DENND5A: variants seen among roughly 807,000 people sequenced by gnomAD.
DENND5A encodes DENN domain containing 5A.
Under a neutral mutation model 140.3 loss-of-function variants are expected in DENND5A, and 64 were observed. That is an observed-to-expected ratio of 0.46 (90% CI 0.37 to 0.56). DENND5A has a LOEUF of 0.56. Among genes scored for constraint, DENND5A ranks in the 20% least tolerant of loss-of-function variants. The pLI is 0.00. For synonymous variants in DENND5A, 605 were observed against 607.7 expected (o/e 1.00, Z 0.07); for missense variants, 1,292 against 1,593.8 (o/e 0.81, Z 3.22).
chr11:9,162,008 CT>C (rs957289029), intron 11 of DENND5A, among the ~76,000 whole-genome samples: 11 of 151,194 alleles, frequency 7.3e-5, no homozygotes, highest in African/African-American at 2.7e-4. Context: ...TCTGCCTGAA[CT>C]TTGAGTCCAA....
chr11:9,203,251 A>C (rs1269855870), intron 4 of DENND5A, among the ~76,000 whole-genome samples: 2 of 152,242 alleles, frequency 1.3e-5, no homozygotes, highest in Non-Finnish European at 2.9e-5. Flanking sequence ...CAACACATCC[A>C]CATTTTCTCA....
intron 1 of DENND5A, among the ~76,000 whole-genome samples, chr11:9,226,474 T>C (rs1000582909): frequency 3.9e-5 from 6 of 152,236 alleles, no homozygotes; most frequent in African/African-American, 1.4e-4. Flanking sequence ...AAAAAGTTTC[T>C]GGGGCTATTT....
intron 5 of DENND5A, among the ~76,000 whole-genome samples, chr11:9,185,522 G>C (rs1848880780): frequency 6.6e-6 from 1 of 152,096 alleles, no homozygotes; most frequent in South Asian, 2.1e-4. Context: ...TATTCTAAAA[G>C]AAAACACTGC....
intron 15 of DENND5A, among the ~76,000 whole-genome samples, chr11:9,148,136 G>C (rs1369266702): frequency 6.6e-6 from 1 of 152,168 alleles, no homozygotes; most frequent in East Asian, 1.9e-4. Context: ...CAAACAAAAG[G>C]CTGTTTCTGG....
In DENND5A at chr11:9,265,106, G is replaced by C. The variant is rs766926668; in HGVS notation, c.-37C>G. The C allele has an allele frequency of 3.3e-6, 4 of 1,223,386 alleles. No homozygotes were observed. Among genetic ancestry groups the C allele is most frequent in the East Asian group, 3.6e-5 (1 of 28,166 alleles). The allele number at this position is 1,223,386 out of a possible 1,614,324, so 75.8% of individuals were successfully genotyped here. A position where few individuals can be genotyped will look rare whatever the true frequency, so the allele number is the denominator to read the frequency against. ...CGAGACCGGCCGGGCAGTGCGGAGC[G>C]GCACCGAGCCCCCGCAACCCGGGCG... On this transcript the variant is annotated 5_prime_UTR_variant, in exon 1 of 23. Transcript: ENST00000328194. The surrounding 1 kb of genome is among the most constrained non-coding windows in gnomAD (Gnocchi z 4.7).
At chr11:9,195,646 AG>A (rs1355561312) in intron 4 of DENND5A, among the ~76,000 whole-genome samples, 1 of 152,246 alleles carries the variant, frequency 6.6e-6, no homozygotes, top group Non-Finnish European at 1.5e-5. Context: ...CAAAGGGAAC[AG>A]AAGCTGAAAA....
At chr11:9,190,192 T>G (rs745851318) in intron 5 of DENND5A, among the ~76,000 whole-genome samples, 28 of 152,202 alleles carry the variant, frequency 1.8e-4, no homozygotes, top group Non-Finnish European at 3.7e-4. Context: ...TTGTCTTGTC[T>G]CAGATGAGAC....
intron 1 of DENND5A, among the ~76,000 whole-genome samples, chr11:9,247,357 A>C (rs1467652651): frequency 6.6e-5 from 10 of 152,082 alleles, no homozygotes; most frequent in Admixed American, 4.6e-4. Flanking sequence ...TGCAAATATC[A>C]GTGTAGATAA....
chr11:9,147,914 G>C (rs1287037887), intron 15 of DENND5A, among the ~76,000 whole-genome samples: 4 of 152,218 alleles, frequency 2.6e-5, no homozygotes, highest in Non-Finnish European at 4.4e-5. Context: ...TGTCCTGGTT[G>C]TCCAAGCTGC....
intron 21 of DENND5A, among the ~76,000 whole-genome samples, 183 bp from the exon 22 acceptor site, chr11:9,142,291 A>T (rs981092211): frequency 7.9e-5 from 12 of 152,170 alleles, no homozygotes; most frequent in Non-Finnish European, 1.5e-4. Context: ...CTTATTTTTT[A>T]AATTTATGTA....
chr11:9,181,692 T>C (rs1480703031), intron 5 of DENND5A, among the ~76,000 whole-genome samples: 1 of 152,082 alleles, frequency 6.6e-6, no homozygotes, highest in African/African-American at 2.4e-5. Flanking sequence ...TGAGCCATGA[T>C]CACACCACTG....
intron 1 of DENND5A, among the ~76,000 whole-genome samples, chr11:9,221,043 T>C (rs1418592704): frequency 2.0e-5 from 3 of 149,286 alleles, no homozygotes; most frequent in Admixed American, 6.7e-5. Flanking sequence ...GATGGCGCCA[T>C]TGAGCTCCAA....
In DENND5A at chr11:9,141,970, T is replaced by C; in HGVS notation, c.3650A>G (p.Lys1217Arg). 6.2e-7 allele frequency: 1 copy of C among 1,601,682 alleles called. No individual in the cohort carries two copies. Among genetic ancestry groups the C allele is most frequent in the Non-Finnish European group, 8.5e-7 (1 of 1,173,998 alleles). The change falls in exon 22 of 23, where the codon AAG (lysine) becomes AGG (arginine). Residue 1217 changes from lysine (K) to arginine (R), a missense_variant. Around this residue, in one of 4 missense-constraint regions of DENND5A, gnomAD observed 498 missense variants for 689.7 expected, o/e 0.72. Transcript: ENST00000328194. ...TCCCAAGCACACCAGCATCTGAAACTTGCCATCCTTGCCGATGTTCCGGGG... is the reference window on the plus strand; with the variant it reads ...TCCCAAGCACACCAGCATCTGAAACCTGCCATCCTTGCCGATGTTCCGGGG... ...NTPRNIGKDGKFQMLVCLGAR... is the reference protein window; with the variant it reads ...NTPRNIGKDGRFQMLVCLGAR...
Position 9,233,933 on chromosome 11 carries a change from T to C in DENND5A, c.110-26301A>G, listed in dbSNP as rs560456075. 4.6e-5 allele frequency among the ~76,000 whole-genome samples: 7 copies of C among 152,234 alleles called. No homozygotes were observed. The South Asian group carries it at 1.5e-3, about 32-fold the overall frequency. On this transcript the variant is annotated intron_variant, in intron 1 of 22. Transcript: ENST00000328194. ...TGGCTCAGGCCTGTAATCCCAGCAC[T>C]TTGGGAGGCCGAGGTGGGTGGATCA...
intron 5 of DENND5A, among the ~76,000 whole-genome samples, chr11:9,190,043 T>A (rs1352937877): frequency 6.6e-6 from 1 of 152,222 alleles, no homozygotes; most frequent in African/African-American, 2.4e-5. Context: ...GATTTCAGAC[T>A]TGCATGGGGC....
At chr11:9,196,286 T>G (rs1849325815) in intron 4 of DENND5A, among the ~76,000 whole-genome samples, 1 of 152,008 alleles carries the variant, frequency 6.6e-6, no homozygotes, top group African/African-American at 2.4e-5. Flanking sequence ...GATAAAGACA[T>G]CAGACTTGGA....
chr11:9,258,731 TGAAATGTGGCAAGG>T (rs1014426781), intron 1 of DENND5A, among the ~76,000 whole-genome samples: 8 of 145,758 alleles, frequency 5.5e-5, no homozygotes, highest in African/African-American at 2.3e-4. Flanking sequence ...CAGAAAAGAA[TGAAATGTGGCAAGG>T]GAGACAAATA....
At chr11:9,163,318 T>A (rs544351707) in intron 11 of DENND5A, among the ~76,000 whole-genome samples, 33 of 152,356 alleles carry the variant, frequency 2.2e-4, no homozygotes, top group Admixed American at 6.5e-4. Flanking sequence ...CAATTTATAC[T>A]TTCAACAGCC....
intron 1 of DENND5A, among the ~76,000 whole-genome samples, chr11:9,232,653 ACTGT>A (rs1850821559): frequency 6.6e-6 from 1 of 152,162 alleles, no homozygotes; most frequent in Non-Finnish European, 1.5e-5. Flanking sequence ...ACTATGGAAA[ACTGT>A]CTGGCAGCAC....
Sources: gnomAD v4.1 joint callset for allele counts (sites outside exome capture counted in the v4.1 genomes callset) on GRCh38, gnomAD v4.1.1 for gene constraint, gnomAD v4.1.1 regional missense constraint, Gnocchi (gnomAD v3.1) non-coding constraint, MANE v1.5 for transcripts, NCBI Gene and HGNC (gene_info 2026-07-23, HGNC 2026-07-21) for gene names.